Variants in METTL16 observed in about 807,000 individuals in gnomAD.
METTL16 encodes the protein RNA N(6)-adenosine-methyltransferase METTL16.
Under a neutral mutation model 57.9 loss-of-function variants are expected in METTL16, and 19 were observed. That is an observed-to-expected ratio of 0.33 (90% CI 0.23 to 0.48). The LOEUF is 0.48. Ranked by LOEUF, METTL16 falls within the 20% of genes least tolerant of loss-of-function variation. The pLI, the probability that METTL16 is intolerant of heterozygous loss-of-function variation, is 0.99. For missense variants in METTL16, 434 were observed against 691.5 expected (o/e 0.63, Z 4.18); for synonymous variants, 246 against 255.6 (o/e 0.96, Z 0.36).
Position 2,464,281 on chromosome 17 carries a change from T to G in METTL16, c.655A>C (p.Met219Leu), listed in dbSNP as rs1423908251. 1.2e-6 allele frequency: 2 copies of G among 1,613,990 alleles called. No individual in the cohort carries two copies. ...SVNTGGITEI[M>L]AEGGELEFVK... ...AACTCTAATTCACCTCCTTCTGCCA[T>G]GATCTCTGTGATGCCTCCTGTATTA... Residue 219 changes from methionine to leucine, a missense_variant, in exon 6 of 10, where the codon ATG becomes CTG. Met to Leu is a conservative substitution (Grantham distance 15). Transcript: ENST00000263092.
intron 8 of METTL16, among the ~76,000 whole-genome samples, chr17:2,426,828 G>A (rs936117910): frequency 1.3e-5 from 2 of 150,932 alleles, no homozygotes; most frequent in African/African-American, 4.9e-5. Flanking sequence ...ATACATACGT[G>A]TATTTCTTTG....
rs1320652388 is a variant in METTL16, at chr17:2,448,805, A to T, written c.729-7246T>A. ...ATAAAAAAATAAAAATAAAATTTAA[A>T]AAAAAAAAAAAAAAAAAAAAAGAGC... On this transcript the variant is annotated intron_variant, in intron 6 of 9. Transcript: ENST00000263092. 2.7e-3 allele frequency among the ~76,000 whole-genome samples: 279 copies of T among 104,556 alleles called. 6 individuals are homozygous for T. Among genetic ancestry groups the T allele is most frequent in the Non-Finnish European group, 4.2e-3 (214 of 50,382 alleles). The allele number at this position is 104,556 out of a possible 152,430, so 68.6% of individuals were successfully genotyped here.
chr17:2,474,215 T>C (rs1034563895), intron 3 of METTL16, among the ~76,000 whole-genome samples: 4 of 152,118 alleles, frequency 2.6e-5, no homozygotes, highest in African/African-American at 9.7e-5. Context: ...TCAATTTTCT[T>C]AAAAGAAAAC....
chr17:2,421,764 C>T (rs1331759620), intron 8 of METTL16, among the ~76,000 whole-genome samples: 1 of 152,066 alleles, frequency 6.6e-6, no homozygotes, highest in Non-Finnish European at 1.5e-5. Flanking sequence ...AGATGACATG[C>T]GAGGAAGGAT....
intron 2 of METTL16, among the ~76,000 whole-genome samples, chr17:2,485,925 T>A (rs1359712088): frequency 6.6e-6 from 1 of 152,100 alleles, no homozygotes; most frequent in Non-Finnish European, 1.5e-5. Flanking sequence ...CAGAGGAGGC[T>A]TCCCTGCACA....
At chr17:2,478,907 T>C (rs1048006739) in intron 2 of METTL16, among the ~76,000 whole-genome samples, 1 of 152,226 alleles carries the variant, frequency 6.6e-6, no homozygotes, top group African/African-American at 2.4e-5. Flanking sequence ...ATCACGGTCA[T>C]GATGGATTGT....
At chr17:2,469,756 C>T (rs1210484397) in intron 4 of METTL16, among the ~76,000 whole-genome samples, 1 of 152,106 alleles carries the variant, frequency 6.6e-6, no homozygotes, top group East Asian at 1.9e-4. Context: ...AACTCCTCAC[C>T]TCAGACAATC....
intron 2 of METTL16, among the ~76,000 whole-genome samples, chr17:2,480,176 A>G (rs2067295095): frequency 6.9e-6 from 1 of 145,232 alleles, no homozygotes; most frequent in African/African-American, 2.6e-5. Context: ...ACAGAGAGAG[A>G]CTCTGTCTCA....
At chr17:2,448,789 T>TAAAAAAAAAAAAAAAAAA (rs1288709390) in intron 6 of METTL16, among the ~76,000 whole-genome samples, 1 of 47,736 alleles carries the variant, frequency 2.1e-5, no homozygotes, top group Non-Finnish European at 5.3e-5. Flanking sequence ...AATAAAAAAA[T>TAAAAAAAAAAAAAAAAAA]AAAAATAAAA....
chr17:2,478,152 G>C (rs752666075), intron 2 of METTL16, among the ~76,000 whole-genome samples: 1 of 152,138 alleles, frequency 6.6e-6, no homozygotes, highest in Non-Finnish European at 1.5e-5. Flanking sequence ...TTCCTGTCTC[G>C]TCGTCTCCTC....
intron 2 of METTL16, among the ~76,000 whole-genome samples, chr17:2,478,274 C>T (rs1489053114): frequency 6.6e-6 from 1 of 152,178 alleles, no homozygotes; most frequent in Non-Finnish European, 1.5e-5. Flanking sequence ...CTGAGAAGTA[C>T]TTAGCATAAT....
intron 2 of METTL16, among the ~76,000 whole-genome samples, chr17:2,487,899 A>C (rs1404849861): frequency 6.6e-6 from 1 of 151,986 alleles, no homozygotes; most frequent in African/African-American, 2.4e-5. Context: ...TTAGCTACTC[A>C]GGAGGCTGAG....
intron 2 of METTL16, among the ~76,000 whole-genome samples, chr17:2,501,566 A>C (rs1296535873): frequency 6.6e-6 from 1 of 152,182 alleles, no homozygotes; most frequent in African/African-American, 2.4e-5. Flanking sequence ...CACACTTATT[A>C]AAATATCTTT....
At chr17:2,454,336 T>C (rs1461667076) in intron 6 of METTL16, among the ~76,000 whole-genome samples, 1 of 152,122 alleles carries the variant, frequency 6.6e-6, no homozygotes, top group Non-Finnish European at 1.5e-5. Flanking sequence ...TAAAAAGTTC[T>C]CTAAGTAGTA....
At chr17:2,470,673 T>C (rs1164672888) in intron 4 of METTL16, among the ~76,000 whole-genome samples, 1 of 152,022 alleles carries the variant, frequency 6.6e-6, no homozygotes, top group Non-Finnish European at 1.5e-5. Context: ...TAGCCAGGCG[T>C]GGTGGCACGC....
intron 1 of METTL16, among the ~76,000 whole-genome samples, chr17:2,508,320 T>C (rs987836647): frequency 6.6e-6 from 1 of 152,148 alleles, no homozygotes; most frequent in Non-Finnish European, 1.5e-5. Context: ...TTCCAGACTT[T>C]TCCAAATCAC....
At chr17:2,457,013 T>C (rs940000821) in intron 6 of METTL16, among the ~76,000 whole-genome samples, 2 of 151,780 alleles carry the variant, frequency 1.3e-5, no homozygotes, top group African/African-American at 4.8e-5. Flanking sequence ...TGTGGTTATA[T>C]TGTTTAAGAG....
intron 2 of METTL16, among the ~76,000 whole-genome samples, chr17:2,488,952 C>T (rs2067363791): frequency 6.6e-6 from 1 of 152,162 alleles, no homozygotes; most frequent in Non-Finnish European, 1.5e-5. Context: ...TAAACACTCT[C>T]ATGGGTCAAA....
chr17:2,472,734 G>A (rs1236130834), intron 4 of METTL16, among the ~76,000 whole-genome samples: 1 of 152,064 alleles, frequency 6.6e-6, no homozygotes, highest in Non-Finnish European at 1.5e-5. Context: ...CTAAGTGGAA[G>A]AAGCCAATCT....
Sources: gnomAD v4.1 joint callset for allele counts (sites outside exome capture counted in the v4.1 genomes callset) on GRCh38, gnomAD v4.1.1 for gene constraint, MANE v1.5 for transcripts, NCBI Gene and HGNC (gene_info 2026-07-23, HGNC 2026-07-21) for gene names.